The following NRXN3 variants were observed in gnomAD, a reference collection of about 807,000 sequenced individuals.
The protein encoded by NRXN3 is neurexin III.
NRXN3 carries 32 observed loss-of-function variants against 137.6 expected under a neutral mutation model. That is an observed-to-expected ratio of 0.23 (90% CI 0.18 to 0.31). NRXN3 has a LOEUF of 0.31. NRXN3 is among the 10% of genes least tolerant of loss of function. The pLI is 1.00. For synonymous variants in NRXN3, 798 were observed against 784.5 expected (o/e 1.02, Z -0.29); for missense variants, 1,574 against 2,062.5 (o/e 0.76, Z 4.59).
At chr14:79,757,209 C>T (rs968265452) in intron 19 of NRXN3, among the ~76,000 whole-genome samples, 1 of 152,148 alleles carries the variant, frequency 6.6e-6, no homozygotes, top group Non-Finnish European at 1.5e-5. Flanking sequence ...CTCTCCTGCT[C>T]TCAGATTAGC....
chr14:78,943,854 AT>A (rs1462846323), intron 10 of NRXN3, among the ~76,000 whole-genome samples: 1 of 149,532 alleles, frequency 6.7e-6, no homozygotes, highest in Non-Finnish European at 1.5e-5. Flanking sequence ...AGACATGGGC[AT>A]TTTAGACCTG....
At chr14:78,913,030 TATG>T (rs2152791527) in intron 10 of NRXN3, among the ~76,000 whole-genome samples, 1 of 152,136 alleles carries the variant, frequency 6.6e-6, no homozygotes, top group South Asian at 2.1e-4. Context: ...AAAAGACAGG[TATG>T]ATCTCTCCTT....
rs1294450601 is a variant in NRXN3 at position 78,350,618 on chromosome 14, A to C, written c.757+52758A>C. 4.6e-5 allele frequency among the ~76,000 whole-genome samples: 7 copies of C among 152,244 alleles called. 1 individual carries two copies. In the East Asian group the frequency reaches 1.4e-3, roughly 29 times the overall value. ...AAGGTGAAGGTGAAGGGTCTATATT[A>C]AGACAGTTAGATTTGCATTTTTTCA... On this transcript the variant is annotated intron_variant, in intron 4 of 20. Coordinates refer to ENST00000335750, the MANE Select transcript of NRXN3 (RefSeq NM_001330195.2).
chr14:78,382,538 G>A (rs925097884), intron 4 of NRXN3, among the ~76,000 whole-genome samples: 4 of 152,242 alleles, frequency 2.6e-5, no homozygotes, highest in African/African-American at 9.6e-5. Context: ...AGTGTTACAA[G>A]TCAATGTTAG....
intron 17 of NRXN3, among the ~76,000 whole-genome samples, chr14:79,680,696 G>A (rs1188991754): frequency 2.6e-5 from 4 of 152,036 alleles, no homozygotes; most frequent in Non-Finnish European, 5.9e-5. Flanking sequence ...AAAAAAAGAA[G>A]GTAATCCTTC....
At chr14:79,564,086 C>T (rs771181355) in intron 16 of NRXN3, among the ~76,000 whole-genome samples, 20 of 151,142 alleles carry the variant, frequency 1.3e-4, no homozygotes, top group Non-Finnish European at 2.4e-4. Flanking sequence ...CTCAGAGTTA[C>T]GGTTTTTAAT....
intron 15 of NRXN3, among the ~76,000 whole-genome samples, chr14:79,272,208 TG>T (rs1238931235): frequency 2.3e-5 from 3 of 133,020 alleles, no homozygotes; most frequent in African/African-American, 6.1e-5. Context: ...TGGTCTAATT[TG>T]GTTTAGGTTT....
intron 6 of NRXN3, among the ~76,000 whole-genome samples, chr14:78,677,806 C>G (rs985886740): frequency 6.6e-6 from 1 of 152,136 alleles, no homozygotes; most frequent in Non-Finnish European, 1.5e-5. Context: ...ACAGCCACCC[C>G]AACATTCAGT....
rs572457081 is a variant in NRXN3 at position 78,419,949 on chromosome 14, G to A, written c.757+122089G>A. On this transcript the variant is annotated intron_variant, in intron 4 of 20. Coordinates refer to ENST00000335750, the MANE Select transcript of NRXN3 (RefSeq NM_001330195.2). ...TATATCTGTGTGCACGTGTGTGCGCGCGCGCGCGCACGCACACACACACAC... is the reference window on the plus strand; with the variant it reads ...TATATCTGTGTGCACGTGTGTGCGCACGCGCGCGCACGCACACACACACAC... Among the ~76,000 whole-genome samples the A allele has an allele frequency of 3.6e-3, 18 of 4,952 alleles. No individual in the cohort carries two copies. In the South Asian group the frequency reaches 0.058, roughly 16 times the overall value. The allele number at this position is 4,952 out of a possible 152,430, so 3.2% of individuals were successfully genotyped here.
chr14:79,528,086 C>T (rs746063238), intron 16 of NRXN3, among the ~76,000 whole-genome samples: 1 of 151,970 alleles, frequency 6.6e-6, no homozygotes, highest in African/African-American at 2.4e-5. Context: ...CGTATTTAAC[C>T]AAAAGGTTCC....
At chr14:79,510,096 A>AT (rs1453015910) in intron 16 of NRXN3, among the ~76,000 whole-genome samples, 1 of 152,196 alleles carries the variant, frequency 6.6e-6, no homozygotes, top group African/African-American at 2.4e-5. Context: ...GTGCCATTAG[A>AT]AAGCATATAA....
At chr14:79,286,109 G>T (rs2082208952) in intron 15 of NRXN3, among the ~76,000 whole-genome samples, 2 of 152,126 alleles carry the variant, frequency 1.3e-5, no homozygotes, top group African/African-American at 2.4e-5. Context: ...TTCTGTGACT[G>T]AGTCCAGATC....
chr14:78,439,226 G>GA (rs1251289719), intron 4 of NRXN3, among the ~76,000 whole-genome samples: 2 of 152,008 alleles, frequency 1.3e-5, no homozygotes, highest in African/African-American at 2.4e-5. Flanking sequence ...TTTGTATCTT[G>GA]AAAAAAACCA....
At chr14:79,038,764 G>A (rs1269446001) in intron 15 of NRXN3, among the ~76,000 whole-genome samples, 1 of 152,106 alleles carries the variant, frequency 6.6e-6, no homozygotes. Flanking sequence ...TGAATTCCCA[G>A]GAGAGTTTTC....
rs1422405910 is a variant in NRXN3 at position 78,803,724 on chromosome 14, C to A, written c.2149C>A (p.Arg717=). 3 of 1,614,016 alleles carry A rather than the reference C, an allele frequency of 1.9e-6. No homozygotes were observed. Among genetic ancestry groups the A allele is most frequent in the South Asian group, 1.1e-5 (1 of 91,062 alleles). Residue 717 remains arginine (R), a synonymous_variant, in exon 9 of 21, where the codon CGA becomes AGA. Transcript: ENST00000335750. ...TGTGTCCTTCCGCTTCATGTCCCAG[C>A]GAGCTTATGGGCTGCTGGTGGCTAC... ...EDVSFRFMSQ[R]AYGLLVATTS...
intron 15 of NRXN3, among the ~76,000 whole-genome samples, chr14:79,332,498 C>T (rs555866666): frequency 6.6e-6 from 1 of 152,252 alleles, no homozygotes; most frequent in Admixed American, 6.5e-5. Flanking sequence ...TTCTACTCAC[C>T]GTTTAAGACC....
intron 15 of NRXN3, among the ~76,000 whole-genome samples, chr14:79,103,240 A>G (rs2051696292): frequency 6.6e-6 from 1 of 152,172 alleles, no homozygotes; most frequent in South Asian, 2.1e-4. Flanking sequence ...CTGTGGCAAA[A>G]CAGGAAGAAG....
At chr14:79,616,730 T>A (rs1157391728) in intron 16 of NRXN3, among the ~76,000 whole-genome samples, 1 of 152,178 alleles carries the variant, frequency 6.6e-6, no homozygotes, top group African/African-American at 2.4e-5. Flanking sequence ...AAAGTGTCCA[T>A]GTATTCCATG....
intron 4 of NRXN3, among the ~76,000 whole-genome samples, chr14:78,516,018 G>A (rs954958615): frequency 6.6e-6 from 1 of 152,096 alleles, no homozygotes; most frequent in African/African-American, 2.4e-5. Flanking sequence ...ATGACAAATT[G>A]CATGTAAAAA....
Sources: allele counts gnomAD v4.1 joint callset (sites outside exome capture counted in the v4.1 genomes callset), GRCh38; gene constraint gnomAD v4.1.1; transcripts MANE v1.5; gene names NCBI Gene and HGNC (gene_info 2026-07-23, HGNC 2026-07-21).